CDH7: variants seen among roughly 807,000 people sequenced by gnomAD.
The protein encoded by CDH7 is cadherin 7, also known as cadherin-7.
CDH7 carries 25 observed loss-of-function variants against 71.8 expected under a neutral mutation model. That is an observed-to-expected ratio of 0.35 (90% confidence interval 0.25 to 0.49). The LOEUF (loss-of-function observed/expected upper bound fraction) is 0.49. Ranked by LOEUF, CDH7 falls within the 20% of genes least tolerant of loss-of-function variation. The pLI is 0.99. For missense variants in CDH7, 862 were observed against 974.6 expected (o/e 0.88, Z 1.54); for synonymous variants, 381 against 363.8 (o/e 1.05, Z -0.54).
intron 6 of CDH7, among the ~76,000 whole-genome samples, chr18:65,838,933 T>A (rs1457035036): frequency 2.0e-4 from 30 of 152,192 alleles, no homozygotes; most frequent in Non-Finnish European, 3.2e-4. Flanking sequence ...AAATAATGCT[T>A]CTAATAACAG....
intron 7 of CDH7, among the ~76,000 whole-genome samples, chr18:65,851,810 G>T (rs1913160075): frequency 6.6e-6 from 1 of 152,184 alleles, no homozygotes; most frequent in Admixed American, 6.5e-5. Context: ...TAGAACAGTA[G>T]GTTAGTGACA....
chr18:65,771,389 C>G (rs762447154), intron 2 of CDH7, among the ~76,000 whole-genome samples: 1 of 152,026 alleles, frequency 6.6e-6, no homozygotes, highest in Non-Finnish European at 1.5e-5. Flanking sequence ...CATGTAATCC[C>G]AGCATTTTGA....
In CDH7 at chr18:65,763,037, C is replaced by A. The variant is rs758301501; in HGVS notation, c.195C>A (p.Pro65=). The change falls in exon 2 of 12, where the codon CCC becomes CCA. Residue 65 remains proline (P), a synonymous_variant. Coordinates refer to ENST00000397968, the MANE Select transcript of CDH7 (RefSeq NM_004361.5). ...FVLEEYMGSD[P]LYVGKLHSDV... ...TGGAGGAATACATGGGTTCAGACCC[C>A]CTCTATGTAGGAAAGGTAGGGTATT... The A allele has an allele frequency of 6.2e-7, 1 of 1,610,090 alleles. No individual in the cohort carries two copies. The highest frequency in any genetic ancestry group is 2.2e-5 in the East Asian group (1 of 44,768).
chr18:65,879,233 T>C (rs531146097), intron 11 of CDH7, among the ~76,000 whole-genome samples: 35 of 152,280 alleles, frequency 2.3e-4, no homozygotes, highest in Admixed American at 7.2e-4. Flanking sequence ...TTCAAAAGTG[T>C]TCCTAATGCC....
rs115581326 is a variant in CDH7, at chr18:65,881,395, G to A, written c.*501G>A. 6.6e-6 allele frequency: 1 copy of A among 152,088 alleles called. No homozygotes were observed. Among genetic ancestry groups the A allele is most frequent in the East Asian group, 1.9e-4 (1 of 5,184 alleles). 9.4% of individuals were successfully genotyped at this position (152,088 alleles called of 1,614,324 possible). On this transcript the variant is annotated 3_prime_UTR_variant, in exon 12 of 12. Coordinates refer to ENST00000397968, the MANE Select transcript of CDH7 (RefSeq NM_004361.5). ...GCTTACTATATTATAGAATCCAACA[G>A]AATTATGTTGCTCTTGATTAACAGA...
chr18:65,772,335 T>G (rs1400929651), intron 2 of CDH7, among the ~76,000 whole-genome samples: 1 of 152,170 alleles, frequency 6.6e-6, no homozygotes, highest in Non-Finnish European at 1.5e-5. Context: ...AAGATAAAAA[T>G]CGGCATTTTC....
chr18:65,768,642 T>G (rs1267448849), intron 2 of CDH7, among the ~76,000 whole-genome samples: 1 of 152,180 alleles, frequency 6.6e-6, no homozygotes, highest in Admixed American at 6.5e-5. Flanking sequence ...GCATTGCTCA[T>G]AGATACAGAG....
intron 3 of CDH7, among the ~76,000 whole-genome samples, chr18:65,814,023 T>G (rs1195187588): frequency 6.6e-6 from 1 of 152,202 alleles, no homozygotes; most frequent in East Asian, 1.9e-4. Context: ...TAATGACATT[T>G]TGATTTCTAT....
rs1464264736 is a variant in CDH7, at chr18:65,882,287, G to A, written c.*1393G>A. ...GAGCTTGTTAGAGTATGACTTTCAT[G>A]ACCAAAATGATGTTTCTACCTATTA... On this transcript the variant is annotated 3_prime_UTR_variant, in exon 12 of 12. Transcript: ENST00000397968. 1 of 152,064 alleles carries A rather than the reference G, an allele frequency of 6.6e-6. No homozygotes were observed. The highest frequency in any genetic ancestry group is 1.5e-5 in the Non-Finnish European group (1 of 67,978). The allele number at this position is 152,064 out of a possible 1,614,324, so 9.4% of individuals were successfully genotyped here. A position where few individuals can be genotyped will look rare whatever the true frequency, so the allele number is the denominator to read the frequency against.
chr18:65,848,106 T>C (rs1912999627), intron 7 of CDH7, among the ~76,000 whole-genome samples: 1 of 152,086 alleles, frequency 6.6e-6, no homozygotes, highest in Non-Finnish European at 1.5e-5. Flanking sequence ...TCTATTGAAC[T>C]TGGAAGGACA....
intron 7 of CDH7, among the ~76,000 whole-genome samples, chr18:65,849,897 C>T (rs1913084415): frequency 6.6e-6 from 1 of 151,938 alleles, no homozygotes; most frequent in African/African-American, 2.4e-5. Flanking sequence ...AGCACGGTGG[C>T]TCACGTCTGT....
chr18:65,766,089 G>C (rs1212540005), intron 2 of CDH7, among the ~76,000 whole-genome samples: 1 of 152,060 alleles, frequency 6.6e-6, no homozygotes, highest in Non-Finnish European at 1.5e-5. Flanking sequence ...TGTTCTAATA[G>C]TGTTTATATT....
In CDH7 at chr18:65,803,819, C is replaced by A. The variant is rs559606653; in HGVS notation, c.211-5885C>A. 141 of 146,460 alleles carry A rather than the reference C, an allele frequency of 9.6e-4. 1 individual carries two copies. Among genetic ancestry groups the A allele is most frequent in the African/African-American group, 3.4e-3 (135 of 40,162 alleles). 9.1% of individuals were successfully genotyped at this position (146,460 alleles called of 1,614,324 possible). ...TAATAATCTGGAATACACTTTTATT[C>A]TTTAAAAGTGAGGAATCTAGAATAA... On this transcript the variant is annotated intron_variant, in intron 2 of 11. Coordinates refer to ENST00000397968, the MANE Select transcript of CDH7 (RefSeq NM_004361.5).
chr18:65,845,139 C>T (rs1378504317), intron 7 of CDH7, among the ~76,000 whole-genome samples: 1 of 149,014 alleles, frequency 6.7e-6, no homozygotes, highest in Non-Finnish European at 1.5e-5. Context: ...TGATTATGTA[C>T]ATTTATACAC....
intron 1 of CDH7, 74 bp downstream of exon 1, chr18:65,751,224 A>C (rs543851074): frequency 9.2e-5 from 14 of 152,570 alleles, no homozygotes; most frequent in African/African-American, 3.4e-4. Context: ...GCGCCTTTGG[A>C]AGCAGGACTA....
intron 7 of CDH7, among the ~76,000 whole-genome samples, chr18:65,857,052 T>C (rs1272540138): frequency 6.6e-6 from 1 of 150,776 alleles, no homozygotes; most frequent in African/African-American, 2.4e-5. Context: ...AATAACAGGT[T>C]GGTGCCGTCA....
chr18:65,764,209 A>T (rs181043587), intron 2 of CDH7, among the ~76,000 whole-genome samples: 1 of 152,000 alleles, frequency 6.6e-6, no homozygotes, highest in Admixed American at 6.6e-5. Context: ...ATGTTTATTG[A>T]TGAGCATCTA....
chr18:65,862,618 T>C, intron 10 of CDH7, 48 bp from the exon 11 acceptor site: 2 of 1,583,036 alleles, frequency 1.3e-6, no homozygotes, highest in Non-Finnish European at 8.6e-7. Context: ...TTGGGAAGAC[T>C]GATTCCATCA....
chr18:65,824,866 T>G, intron 6 of CDH7, 35 bp downstream of exon 6: 1 of 1,422,682 alleles, frequency 7.0e-7, no homozygotes, highest in Non-Finnish European at 9.7e-7. Context: ...TATCACAGAT[T>G]ACTGAGAAGT....
Sources: allele counts gnomAD v4.1 joint callset (sites outside exome capture counted in the v4.1 genomes callset), GRCh38; gene constraint gnomAD v4.1.1; transcripts MANE v1.5; gene names NCBI Gene and HGNC (gene_info 2026-07-23, HGNC 2026-07-21).